The following CDKAL1 variants were observed in gnomAD, a reference collection of about 807,000 sequenced individuals.
The protein encoded by CDKAL1 is CDKAL1 threonylcarbamoyladenosine tRNA methylthiotransferase, also known as threonylcarbamoyladenosine tRNA methylthiotransferase.
CDKAL1 carries 32 observed loss-of-function variants against 68.2 expected under a neutral mutation model. The ratio of observed to expected loss-of-function variants is 0.47; its 90% CI spans 0.35 to 0.63. The LOEUF (loss-of-function observed/expected upper bound fraction) is 0.63, where lower values mean the gene tolerates loss of function less well. Ranked by LOEUF, CDKAL1 falls within the 30% of genes least tolerant of loss-of-function variation. The probability of loss-of-function intolerance (pLI) is 0.00; values close to 1 mark genes in which losing one functional copy is unlikely to be tolerated. For missense variants in CDKAL1, 606 were observed against 696.7 expected, an observed-to-expected ratio of 0.87 and a Z score of 1.47; for synonymous variants, 234 against 244.3, an observed-to-expected ratio of 0.96 and a Z score of 0.39.
intron 13 of CDKAL1, among the ~76,000 whole-genome samples, chr6:21,178,077 A>G (rs974097145): frequency 1.3e-5 from 2 of 152,098 alleles, no homozygotes; most frequent in African/African-American, 4.8e-5. Context: ...GTAATGAAAT[A>G]TGTCATGAAA....
At chr6:20,759,241 A>G (rs1774362714) in intron 7 of CDKAL1, among the ~76,000 whole-genome samples, 1 of 152,188 alleles carries the variant, frequency 6.6e-6, no homozygotes, top group African/African-American at 2.4e-5. Context: ...AATTTAATCA[A>G]TTTTAAGATA....
rs189657154 is a variant in CDKAL1, at chr6:21,195,413, C to G, written c.1300-2608C>G. Among the ~76,000 whole-genome samples the G allele has an allele frequency of 3.0e-3, 454 of 152,194 alleles. 1 individual carries two copies. Among genetic ancestry groups the G allele is most frequent in the Non-Finnish European group, 4.5e-3 (305 of 67,998 alleles). ...CCTGGCCTCAAGTGATCCACCCGCCCTGGCCTCCCAAGGTGCTGGGATTAC... is the reference window on the plus strand; with the variant it reads ...CCTGGCCTCAAGTGATCCACCCGCCGTGGCCTCCCAAGGTGCTGGGATTAC... On this transcript the variant is annotated intron_variant, in intron 13 of 15. Coordinates refer to ENST00000274695, the MANE Select transcript of CDKAL1 (RefSeq NM_017774.3).
intron 7 of CDKAL1, among the ~76,000 whole-genome samples, chr6:20,761,343 C>T (rs546773934): frequency 7.9e-5 from 12 of 152,290 alleles, no homozygotes; most frequent in African/African-American, 2.6e-4. Flanking sequence ...CAAAATGGTA[C>T]AGGTACTTTG....
Position 21,232,003 on chromosome 6 carries a change from G to GTGT in CDKAL1, c.*965_*966insGTT. 1.3e-5 allele frequency: 1 copy of GTGT among 76,102 alleles called. No individual in the cohort carries two copies. Among genetic ancestry groups the GTGT allele is most frequent in the Non-Finnish European group, 3.1e-5 (1 of 31,902 alleles). 4.7% of individuals were successfully genotyped at this position (76,102 alleles called of 1,614,324 possible). ...TTTGATCCATTGGGGTTTTTTTTTT[G>GTGT]TTTTTGTTTTTTTTTTTTTTTGAGT... On this transcript the variant is annotated 3_prime_UTR_variant, in exon 16 of 16. Coordinates refer to ENST00000274695, the MANE Select transcript of CDKAL1 (RefSeq NM_017774.3).
chr6:20,546,128 C>T (rs1375785465), intron 2 of CDKAL1, among the ~76,000 whole-genome samples: 2 of 152,056 alleles, frequency 1.3e-5, no homozygotes, highest in Non-Finnish European at 2.9e-5. Context: ...GTCCCATTGT[C>T]ATTAGGGTTT....
At chr6:20,978,896 C>T (rs1414157230) in intron 10 of CDKAL1, among the ~76,000 whole-genome samples, 1 of 152,140 alleles carries the variant, frequency 6.6e-6, no homozygotes, top group African/African-American at 2.4e-5. Flanking sequence ...CACTATCCTC[C>T]ACTCTTCCAC....
chr6:20,613,688 G>A (rs978987), intron 4 of CDKAL1, among the ~76,000 whole-genome samples: 119,285 of 149,026 alleles, frequency 0.8, 47,786 homozygotes, highest in Middle Eastern at 0.92. Flanking sequence ...ATATTATTTA[G>A]CCATTCCTTT....
At chr6:21,143,778 CTCTGTTTCT>C (rs1017233933) in intron 13 of CDKAL1, among the ~76,000 whole-genome samples, 3 of 152,132 alleles carry the variant, frequency 2.0e-5, no homozygotes, top group African/African-American at 7.2e-5. Context: ...TTGTCACAAA[CTCTGTTTCT>C]TCATGCCAGA....
intron 8 of CDKAL1, among the ~76,000 whole-genome samples, chr6:20,828,935 A>T (rs149022040): frequency 6.6e-6 from 1 of 152,170 alleles, no homozygotes; most frequent in South Asian, 2.1e-4. Context: ...GTAGAATCGT[A>T]TAGTGTTTGT....
chr6:21,178,118 G>A (rs1375347362), intron 13 of CDKAL1, among the ~76,000 whole-genome samples: 2 of 152,024 alleles, frequency 1.3e-5, no homozygotes, highest in African/African-American at 4.8e-5. Context: ...TCCAGCCAAT[G>A]TTGCAAGCAT....
chr6:21,093,680 A>AGCT (rs1215966527), intron 12 of CDKAL1, among the ~76,000 whole-genome samples: 6 of 142,460 alleles, frequency 4.2e-5, no homozygotes, highest in Admixed American at 1.4e-4. Context: ...TAACCAACTG[A>AGCT]GCTGCTGCTG....
chr6:20,707,948 A>G (rs1479938634), intron 5 of CDKAL1, among the ~76,000 whole-genome samples: 1 of 152,146 alleles, frequency 6.6e-6, no homozygotes, highest in African/African-American at 2.4e-5. Context: ...GGCATTACCC[A>G]TGGACCTGTG....
intron 12 of CDKAL1, among the ~76,000 whole-genome samples, chr6:21,085,377 T>C (rs1772635270): frequency 1.3e-5 from 2 of 152,190 alleles, no homozygotes; most frequent in South Asian, 4.1e-4. Context: ...CATCTCAAGA[T>C]GACTCCTGGG....
rs187469866 is a variant in CDKAL1 at position 20,919,305 on chromosome 6, C to T, written c.743-36114C>T. ...GATCAGAGACATTGCTATATCCACA[C>T]CATATTTGTTTGCTAAATTTATGAT... On this transcript the variant is annotated intron_variant, in intron 9 of 15. Coordinates refer to ENST00000274695, the MANE Select transcript of CDKAL1 (RefSeq NM_017774.3). Among the ~76,000 whole-genome samples, 7 of 152,302 alleles carry T rather than the reference C, an allele frequency of 4.6e-5. No homozygotes were observed. The East Asian group carries it at 1.3e-3, about 29-fold the overall frequency.
intron 11 of CDKAL1, among the ~76,000 whole-genome samples, chr6:21,064,467 G>C (rs1394930461): frequency 6.6e-6 from 1 of 152,158 alleles, no homozygotes; most frequent in Non-Finnish European, 1.5e-5. Flanking sequence ...ATTGATTTTT[G>C]ATAGCCCTAA....
chr6:20,753,160 CA>C (rs113622454), intron 6 of CDKAL1, among the ~76,000 whole-genome samples: 23,955 of 152,132 alleles, frequency 0.16, 2,070 homozygotes, highest in East Asian at 0.34. Context: ...TACTTCTTAG[CA>C]ACTGCCTTTC....
chr6:20,757,615 T>A (rs979072944), intron 6 of CDKAL1, among the ~76,000 whole-genome samples: 1 of 152,196 alleles, frequency 6.6e-6, no homozygotes, highest in Non-Finnish European at 1.5e-5. Context: ...AGAACAGACC[T>A]ATATGTAAAT....
At chr6:20,607,678 G>A (rs1297562302) in intron 4 of CDKAL1, among the ~76,000 whole-genome samples, 1 of 151,714 alleles carries the variant, frequency 6.6e-6, no homozygotes, top group African/African-American at 2.4e-5. Context: ...GTAAAATAAT[G>A]AGATAGCTTT....
At chr6:21,016,405 C>T (rs568093490) in intron 11 of CDKAL1, among the ~76,000 whole-genome samples, 2 of 152,212 alleles carry the variant, frequency 1.3e-5, no homozygotes, top group East Asian at 3.9e-4. Context: ...GCTGTCTCCA[C>T]CTTCCCTACC....
Sources: allele counts gnomAD v4.1 joint callset (sites outside exome capture counted in the v4.1 genomes callset), GRCh38; gene constraint gnomAD v4.1.1; transcripts MANE v1.5; gene names NCBI Gene and HGNC (gene_info 2026-07-23, HGNC 2026-07-21).